Variants in RELN observed in about 807,000 individuals in gnomAD.
RELN encodes the protein reelin.
RELN carries 108 observed loss-of-function variants against 427.6 expected under a neutral mutation model. That is an observed-to-expected ratio of 0.25 (90% CI 0.22 to 0.30). RELN has a LOEUF of 0.30. Among genes scored for constraint, RELN ranks in the 10% least tolerant of loss-of-function variants. RELN has a pLI of 1.00. For missense variants in RELN, 3,715 were observed against 4,302.8 expected (o/e 0.86, Z 3.82); for synonymous variants, 1,524 against 1,513.4 (o/e 1.01, Z -0.16).
chr7:103,982,611 A>G (rs1398419359), intron 1 of RELN, among the ~76,000 whole-genome samples: 2 of 152,136 alleles, frequency 1.3e-5, no homozygotes, highest in Non-Finnish European at 2.9e-5. Flanking sequence ...AAGGAAGCAA[A>G]GGAGGAAAGA....
At chr7:103,980,154 C>T (rs1796961675) in intron 1 of RELN, among the ~76,000 whole-genome samples, 1 of 147,474 alleles carries the variant, frequency 6.8e-6, no homozygotes, top group Non-Finnish European at 1.5e-5. Flanking sequence ...GAGCGAAACT[C>T]TGTCTCCAAA....
intron 11 of RELN, 87 bp from the exon 12 acceptor site, chr7:103,661,614 A>G: frequency 8.8e-7 from 1 of 1,131,262 alleles, no homozygotes; most frequent in Non-Finnish European, 1.3e-6. Flanking sequence ...AGTGAGGGAC[A>G]CTTACTTACT....
At chr7:103,882,225 C>T (rs527422771) in intron 2 of RELN, among the ~76,000 whole-genome samples, 2 of 152,330 alleles carry the variant, frequency 1.3e-5, no homozygotes, top group South Asian at 2.1e-4. Context: ...TGATCTCTAT[C>T]ATAACTACAG....
intron 3 of RELN, among the ~76,000 whole-genome samples, chr7:103,811,441 T>C (rs1389259526): frequency 6.6e-6 from 1 of 152,200 alleles, no homozygotes; most frequent in Non-Finnish European, 1.5e-5. Context: ...ACATAAGTCC[T>C]GATTTATGTT....
intron 3 of RELN, among the ~76,000 whole-genome samples, chr7:103,833,039 A>G (rs936921984): frequency 3.3e-5 from 5 of 152,162 alleles, no homozygotes; most frequent in African/African-American, 1.2e-4. Flanking sequence ...ATATTTTCAT[A>G]TATGTTTACA....
intron 1 of RELN, among the ~76,000 whole-genome samples, chr7:103,921,464 G>A (rs1248610733): frequency 6.6e-6 from 1 of 152,040 alleles, no homozygotes; most frequent in South Asian, 2.1e-4. Context: ...TCATAGTTTT[G>A]CATTAAAATG....
intron 6 of RELN, among the ~76,000 whole-genome samples, chr7:103,739,913 C>G (rs1028499475): frequency 6.6e-6 from 1 of 152,172 alleles, no homozygotes; most frequent in Non-Finnish European, 1.5e-5. Context: ...AGAACAGTCT[C>G]CATGCCCTCA....
chr7:103,855,836 C>T (rs1333701940), intron 2 of RELN, among the ~76,000 whole-genome samples: 2 of 152,178 alleles, frequency 1.3e-5, no homozygotes, highest in Non-Finnish European at 2.9e-5. Flanking sequence ...ACATCAATCA[C>T]ATTGGATTAG....
At position 103,652,040 on chromosome 7, in the gene RELN, T is replaced by C. The variant is rs3919520; in HGVS notation, c.1764-251A>G. ...CAACAAATGGTAACTTGAGTTTGTG[T>C]TCTTGAGTTTGATAGGTGGCAAGGC... On this transcript the variant is annotated intron_variant, in intron 14 of 64. Coordinates refer to ENST00000428762, the MANE Select transcript of RELN (RefSeq NM_005045.4). Among the ~76,000 whole-genome samples the C allele has an allele frequency of 0.48, 73,083 of 151,784 alleles. 18,021 individuals carry two copies. Among genetic ancestry groups the C allele is most frequent in the African/African-American group, 0.59 (24,411 of 41,378 alleles).
At chr7:103,958,016 C>T (rs1275677586) in intron 1 of RELN, among the ~76,000 whole-genome samples, 3 of 152,168 alleles carry the variant, frequency 2.0e-5, no homozygotes, top group Admixed American at 2.0e-4. Flanking sequence ...GCAGACCCCA[C>T]CTCTCTCAAA....
chr7:103,724,202 AG>A (rs1790147180), intron 7 of RELN, among the ~76,000 whole-genome samples: 1 of 151,124 alleles, frequency 6.6e-6, no homozygotes, highest in Non-Finnish European at 1.5e-5. Flanking sequence ...GTTTTTTTTG[AG>A]ACAGACTCTC....
intron 20 of RELN, among the ~76,000 whole-genome samples, chr7:103,618,458 A>G (rs1266545967): frequency 6.6e-6 from 1 of 152,190 alleles, no homozygotes; most frequent in Non-Finnish European, 1.5e-5. Flanking sequence ...GTATTTACCC[A>G]ATACTTCATT....
At chr7:103,744,480 G>A (rs1185310921) in intron 6 of RELN, among the ~76,000 whole-genome samples, 1 of 152,104 alleles carries the variant, frequency 6.6e-6, no homozygotes, top group Admixed American at 6.5e-5. Flanking sequence ...CCAGGAGCTG[G>A]TTTTCTGAAA....
chr7:103,771,785 C>T (rs1041538300), intron 4 of RELN, among the ~76,000 whole-genome samples: 1 of 152,028 alleles, frequency 6.6e-6, no homozygotes, highest in African/African-American at 2.4e-5. Context: ...CACAGTAATA[C>T]ATGTAATGTA....
At position 103,652,688 on chromosome 7, in the gene RELN, T is replaced by C. The variant is rs1244905315; in HGVS notation, c.1626A>G (p.Gln542=). 2 of 1,612,884 alleles carry C rather than the reference T, an allele frequency of 1.2e-6. No homozygotes were observed. Among genetic ancestry groups the C allele is most frequent in the African/African-American group, 1.3e-5 (1 of 74,830 alleles). The change falls in exon 14 of 65, where the codon CAA becomes CAG. Residue 542 remains glutamine, a synonymous_variant. Coordinates refer to ENST00000428762, the MANE Select transcript of RELN (RefSeq NM_005045.4). The part of the protein sequence containing the change: ...QTPATKFCLR[Q]KNHQGHNRNV... ...TCCTATTATGTCCTTGATGGTTCTT[T>C]TGCCTGAGACAAAATTTGGTAGCAG...
chr7:103,813,195 T>G (rs1792786952), intron 3 of RELN, among the ~76,000 whole-genome samples: 1 of 152,160 alleles, frequency 6.6e-6, no homozygotes, highest in South Asian at 2.1e-4. Context: ...GCCAATTGTC[T>G]TTTATGATCC....
intron 3 of RELN, among the ~76,000 whole-genome samples, chr7:103,797,391 C>A (rs906707442): frequency 1.3e-5 from 2 of 152,156 alleles, no homozygotes; most frequent in African/African-American, 2.4e-5. Context: ...AGGTGTGAGT[C>A]ACTGTGCCTG....
intron 6 of RELN, among the ~76,000 whole-genome samples, chr7:103,747,776 G>C (rs1790883470): frequency 6.7e-6 from 1 of 149,830 alleles, no homozygotes; most frequent in Non-Finnish European, 1.5e-5. Context: ...AGACAAAAAA[G>C]GACTGTTTTA....
intron 57 of RELN, among the ~76,000 whole-genome samples, chr7:103,492,455 G>C (rs187878010): frequency 6.6e-6 from 1 of 151,924 alleles, no homozygotes; most frequent in Non-Finnish European, 1.5e-5. Context: ...CTTAATATTC[G>C]TTCTTGGGGT....
Sources: gnomAD v4.1 joint callset for allele counts (sites outside exome capture counted in the v4.1 genomes callset) on GRCh38, gnomAD v4.1.1 for gene constraint, MANE v1.5 for transcripts, NCBI Gene and HGNC (gene_info 2026-07-23, HGNC 2026-07-21) for gene names.